Variants in RAB27B observed in about 807,000 individuals in gnomAD.
RAB27B encodes RAB27B, member RAS oncogene family.
RAB27B carries 15 observed loss-of-function variants against 24.6 expected under a neutral mutation model. The ratio of observed to expected loss-of-function variants is 0.61; its 90% CI spans 0.41 to 0.94. The LOEUF is 0.94. Among genes scored for constraint, RAB27B ranks in the 40% least tolerant of loss-of-function variants. RAB27B has a pLI of 0.00. For missense variants in RAB27B, 261 were observed against 266.8 expected (o/e 0.98, Z 0.15); for synonymous variants, 105 against 92.5 (o/e 1.14, Z -0.78).
chr18:54,829,689 A>T (rs1910601715), intron 1 of RAB27B, among the ~76,000 whole-genome samples: 1 of 152,200 alleles, frequency 6.6e-6, no homozygotes, highest in Non-Finnish European at 1.5e-5. Context: ...ATAAATTTTG[A>T]AAAGTTGAGG....
chr18:54,857,028 G>T (rs1194383832), intron 1 of RAB27B, among the ~76,000 whole-genome samples: 4 of 151,952 alleles, frequency 2.6e-5, no homozygotes, highest in Non-Finnish European at 5.9e-5. Context: ...CCCTCTCTTG[G>T]GTTTAGGGAT....
intron 4 of RAB27B, 150 bp downstream of exon 4, chr18:54,884,586 C>T (rs1913058102): frequency 5.4e-6 from 3 of 557,580 alleles, no homozygotes; most frequent in South Asian, 4.8e-5. Flanking sequence ...GTGTCACCTT[C>T]AAAGTGGTGG....
upstream of RAB27B, among the ~76,000 whole-genome samples, chr18:54,826,286 C>T (rs1007269952): frequency 6.6e-6 from 1 of 152,176 alleles, no homozygotes; most frequent in Non-Finnish European, 1.5e-5. Flanking sequence ...GATGTTATTA[C>T]TATTATTATC....
At chr18:54,805,775 AACTTAAGTTCCT>A (rs1348374136) in intron 2 of RAB27B, among the ~76,000 whole-genome samples, 1 of 152,210 alleles carries the variant, frequency 6.6e-6, no homozygotes, top group Non-Finnish European at 1.5e-5. Flanking sequence ...TATTGTACGA[AACTTAAGTTCCT>A]ACTTTGAAGA....
chr18:54,879,815 A>C (rs1375088768), intron 3 of RAB27B: 1 of 194,084 alleles, frequency 5.2e-6, no homozygotes. Flanking sequence ...AAGGGTGTTA[A>C]GATCTTCCTT....
At chr18:54,884,173 G>T (rs1268468880) in intron 3 of RAB27B, among the ~76,000 whole-genome samples, 160 bp from the exon 4 acceptor site, 1 of 151,956 alleles carries the variant, frequency 6.6e-6, no homozygotes, top group Non-Finnish European at 1.5e-5. Context: ...CTTCTCTCTT[G>T]GTTCTTCAGC....
intron 2 of RAB27B, among the ~76,000 whole-genome samples, chr18:54,750,018 A>G (rs1301219221): frequency 6.6e-6 from 1 of 152,196 alleles, no homozygotes; most frequent in African/African-American, 2.4e-5. Flanking sequence ...GGGATTTTGC[A>G]TCAATTAATG....
intron 2 of RAB27B, among the ~76,000 whole-genome samples, chr18:54,796,013 CA>C (rs2145120475): frequency 6.6e-6 from 1 of 152,266 alleles, no homozygotes; most frequent in East Asian, 1.9e-4. Context: ...TCATCACCCC[CA>C]AAGTTTCCTT....
intron 2 of RAB27B, among the ~76,000 whole-genome samples, chr18:54,748,906 A>G (rs1258053664): frequency 5.9e-5 from 9 of 152,210 alleles, no homozygotes; most frequent in Non-Finnish European, 1.3e-4. Flanking sequence ...AGGTGTACAG[A>G]CCCAGGAGGC....
At chr18:54,728,903 C>CAAAACAAA (rs1909634826) in intron 2 of RAB27B, among the ~76,000 whole-genome samples, 5 of 68,270 alleles carry the variant, frequency 7.3e-5, no homozygotes, top group Non-Finnish European at 7.5e-5. Flanking sequence ...AAAAAAAACC[C>CAAAACAAA]AAAAAAAAAA....
chr18:54,760,483 A>G (rs963237216), intron 2 of RAB27B, among the ~76,000 whole-genome samples: 2 of 152,194 alleles, frequency 1.3e-5, no homozygotes, highest in Non-Finnish European at 2.9e-5. Flanking sequence ...TTTAGGAAAT[A>G]CATAATTTAA....
chr18:54,786,481 C>G (rs569498453), intron 2 of RAB27B, among the ~76,000 whole-genome samples: 160 of 152,312 alleles, frequency 1.1e-3, no homozygotes, highest in African/African-American at 3.6e-3. Context: ...TAGGACACAG[C>G]TGTCTGAAAA....
intron 2 of RAB27B, among the ~76,000 whole-genome samples, chr18:54,734,290 C>T (rs1425205562): frequency 6.6e-6 from 1 of 152,100 alleles, no homozygotes; most frequent in African/African-American, 2.4e-5. Flanking sequence ...GGAGAGTTGT[C>T]TAAGCCATGA....
chr18:54,829,161 CCA>C (rs1450178465), intron 1 of RAB27B, among the ~76,000 whole-genome samples: 1 of 152,204 alleles, frequency 6.6e-6, no homozygotes, highest in Non-Finnish European at 1.5e-5. Context: ...GATGAAATAG[CCA>C]CAGAGACCTT....
chr18:54,834,271 C>T (rs1366025658), intron 1 of RAB27B, among the ~76,000 whole-genome samples: 1 of 152,156 alleles, frequency 6.6e-6, no homozygotes, highest in African/African-American at 2.4e-5. Flanking sequence ...GACCCACTCA[C>T]ATAATTTTGG....
At position 54,877,739 on chromosome 18, in the gene RAB27B, G is replaced by A; in HGVS notation, c.153+1G>A. 6.3e-7 allele frequency: 1 copy of A among 1,577,688 alleles called. No individual in the cohort carries two copies. Among genetic ancestry groups the A allele is most frequent in the Non-Finnish European group, 8.6e-7 (1 of 1,168,464 alleles). On this transcript the variant is annotated splice_donor_variant, in intron 2 of 5. Coordinates refer to ENST00000262094, the MANE Select transcript of RAB27B (RefSeq NM_004163.4). LOFTEE classifies it high-confidence loss of function. ...AATAGACTTTCGGGAAAAACGTGTG[G>A]TGAGTTTTTAATCGTACTTCTAACC...
chr18:54,768,182 CT>C (rs1308789368), intron 2 of RAB27B, among the ~76,000 whole-genome samples: 2 of 151,956 alleles, frequency 1.3e-5, no homozygotes, highest in Admixed American at 1.3e-4. Flanking sequence ...AAGAGGGAAT[CT>C]TTTCAGATAT....
At chr18:54,742,877 C>G (rs1910110993) in intron 2 of RAB27B, among the ~76,000 whole-genome samples, 1 of 152,196 alleles carries the variant, frequency 6.6e-6, no homozygotes, top group African/African-American at 2.4e-5. Context: ...GCAGGAAAGC[C>G]TTGCAAATTT....
At chr18:54,884,037 G>A (rs143522490) in intron 3 of RAB27B, among the ~76,000 whole-genome samples, 4 of 152,022 alleles carry the variant, frequency 2.6e-5, no homozygotes, top group East Asian at 1.9e-4. Context: ...AAATGCCCAC[G>A]AGCCAAAAAG....
Sources: allele counts gnomAD v4.1 joint callset (sites outside exome capture counted in the v4.1 genomes callset), GRCh38; gene constraint gnomAD v4.1.1; transcripts MANE v1.5; gene names NCBI Gene and HGNC (gene_info 2026-07-23, HGNC 2026-07-21).